PLEKHM3: variants seen among roughly 807,000 people sequenced by gnomAD.
PLEKHM3 encodes the protein pleckstrin homology domain-containing family M member 3.
PLEKHM3 carries 45 observed loss-of-function variants against 81.8 expected under a neutral mutation model. The observed-to-expected ratio is 0.55, with a 90% CI of 0.43 to 0.71. The LOEUF (loss-of-function observed/expected upper bound fraction) is 0.71. Among genes scored for constraint, PLEKHM3 ranks in the 30% least tolerant of loss-of-function variants. The pLI, the probability that PLEKHM3 is intolerant of heterozygous loss-of-function variation, is 0.00. For missense variants in PLEKHM3, 788 were observed against 924.3 expected, an observed-to-expected ratio of 0.85 and a Z score of 1.91; for synonymous variants, 352 against 356.4, an observed-to-expected ratio of 0.99 and a Z score of 0.14.
At chr2:207,895,265 G>A (rs1688185106) in intron 6 of PLEKHM3, among the ~76,000 whole-genome samples, 1 of 152,148 alleles carries the variant, frequency 6.6e-6, no homozygotes, top group South Asian at 2.1e-4. Context: ...CAGTGAGACT[G>A]CACCATACCA....
intron 6 of PLEKHM3, among the ~76,000 whole-genome samples, chr2:207,885,917 A>G (rs1410386277): frequency 6.6e-6 from 1 of 152,234 alleles, no homozygotes; most frequent in African/African-American, 2.4e-5. Context: ...GCATGAGTCC[A>G]TACACCGTTC....
chr2:207,832,830 G>A (rs1157705290), intron 7 of PLEKHM3, among the ~76,000 whole-genome samples: 1 of 149,346 alleles, frequency 6.7e-6, no homozygotes, highest in Non-Finnish European at 1.5e-5. Flanking sequence ...AGATTCATTG[G>A]GCTGGGTGCG....
At chr2:208,018,983 AC>A (rs1314174186) in intron 1 of PLEKHM3, among the ~76,000 whole-genome samples, 2 of 151,304 alleles carry the variant, frequency 1.3e-5, no homozygotes, top group Non-Finnish European at 2.9e-5. Flanking sequence ...ACTGCATCTC[AC>A]AAAAAAAAAA....
At chr2:207,880,638 C>T (rs1426676053) in intron 6 of PLEKHM3, among the ~76,000 whole-genome samples, 1 of 148,066 alleles carries the variant, frequency 6.8e-6, no homozygotes, top group African/African-American at 2.5e-5. Flanking sequence ...TGGCGGGCGC[C>T]TGTAGTCCCA....
At chr2:207,999,777 A>G (rs1692235961) in intron 2 of PLEKHM3, among the ~76,000 whole-genome samples, 1 of 152,232 alleles carries the variant, frequency 6.6e-6, no homozygotes, top group African/African-American at 2.4e-5. Context: ...TTTCAGGAAC[A>G]CTGCATTTGC....
intron 7 of PLEKHM3, among the ~76,000 whole-genome samples, chr2:207,831,171 C>CAGCT (rs1377234514): frequency 2.0e-5 from 3 of 152,236 alleles, no homozygotes; most frequent in African/African-American, 7.2e-5. Context: ...GCCTTCTGTG[C>CAGCT]AGCTGCATTG....
At chr2:207,986,144 A>G (rs546868600) in intron 2 of PLEKHM3, among the ~76,000 whole-genome samples, 2 of 152,356 alleles carry the variant, frequency 1.3e-5, no homozygotes, top group South Asian at 2.1e-4. Flanking sequence ...AATGAAAGAC[A>G]AAGTGCAACA....
chr2:207,969,400 A>G (rs1222650489), intron 3 of PLEKHM3, among the ~76,000 whole-genome samples: 1 of 152,256 alleles, frequency 6.6e-6, no homozygotes, highest in African/African-American at 2.4e-5. Context: ...TTAATGAGTA[A>G]TTAACCACCC....
intron 4 of PLEKHM3, among the ~76,000 whole-genome samples, chr2:207,940,718 G>C (rs968543745): frequency 1.3e-5 from 2 of 152,182 alleles, no homozygotes; most frequent in African/African-American, 2.4e-5. Flanking sequence ...ACGAAGGAGA[G>C]AGCCAGCAAT....
chr2:208,019,923 G>A (rs1240245460), intron 1 of PLEKHM3, among the ~76,000 whole-genome samples: 1 of 152,238 alleles, frequency 6.6e-6, no homozygotes, highest in African/African-American at 2.4e-5. Context: ...GAACGTGGAA[G>A]AGAAGTTGTT....
intron 6 of PLEKHM3, among the ~76,000 whole-genome samples, chr2:207,904,720 G>A (rs1034088625): frequency 1.3e-5 from 2 of 152,234 alleles, no homozygotes; most frequent in Non-Finnish European, 2.9e-5. Flanking sequence ...TGCATGCAAA[G>A]AGGACAGTAA....
At chr2:207,888,584 C>T (rs1013496270) in intron 6 of PLEKHM3, among the ~76,000 whole-genome samples, 3 of 152,054 alleles carry the variant, frequency 2.0e-5, no homozygotes, top group Admixed American at 1.3e-4. Context: ...TTAGTAGAGA[C>T]GGGGTTTCAC....
In PLEKHM3 at chr2:207,931,115, G is replaced by A; in HGVS notation, c.1697C>T (p.Ser566Leu). Reference sequence around the variant, plus strand: ...CTCCAGAAACTCCTTGGCCTGCTTCGACACCTACAAAACAAGCGTCGTCAG... The same window carrying A: ...CTCCAGAAACTCCTTGGCCTGCTTCAACACCTACAAAACAAGCGTCGTCAG... ...HNWDTSKYKV[S>L]KQAKEFLEYV... The change falls in exon 5 of 8, where the codon TCG becomes TTG. Residue 566 changes from serine (S) to leucine (L), a missense_variant. Transcript: ENST00000427836. The A allele has an allele frequency of 6.2e-7, 1 of 1,608,686 alleles. No homozygotes were observed. Among genetic ancestry groups the A allele is most frequent in the Non-Finnish European group, 8.5e-7 (1 of 1,176,516 alleles).
At position 207,976,582 on chromosome 2, in the gene PLEKHM3, A is replaced by C; in HGVS notation, c.1546+69T>G. ...GACTAGCCTATTAAGGGGATTTTTA[A>C]AGTGAATTCCAATTGTGGGGTTCAG... On this transcript the variant is annotated intron_variant, in intron 3 of 7. Transcript: ENST00000427836. The surrounding 1 kb of genome is among the most constrained non-coding windows in gnomAD (Gnocchi z 4.1). 6.9e-7 allele frequency: 1 copy of C among 1,452,132 alleles called. No homozygotes were observed. The highest frequency in any genetic ancestry group is 9.3e-7 in the Non-Finnish European group (1 of 1,074,918). The allele number at this position is 1,452,132 out of a possible 1,614,324, so 90.0% of individuals were successfully genotyped here.
At chr2:207,960,955 T>G (rs971511046) in intron 3 of PLEKHM3, among the ~76,000 whole-genome samples, 4 of 152,218 alleles carry the variant, frequency 2.6e-5, no homozygotes, top group African/African-American at 9.6e-5. Flanking sequence ...AATTAGGATA[T>G]GTCACTTTTG....
rs530411573 is a variant in PLEKHM3 at position 207,986,442 on chromosome 2, G to A, written c.611-8856C>T. On this transcript the variant is annotated intron_variant, in intron 2 of 7. Transcript: ENST00000427836. ...CAGGCTATCCAGGCTATAGTAAGCT[G>A]AAAGGATAAATGATATTATCTGGAA... Among the ~76,000 whole-genome samples the A allele has an allele frequency of 2.0e-3, 309 of 152,232 alleles. 1 individual carries two copies. The highest frequency in any genetic ancestry group is 3.9e-3 in the Non-Finnish European group (268 of 68,020).
intron 3 of PLEKHM3, among the ~76,000 whole-genome samples, chr2:207,972,061 T>G (rs1187302347): frequency 6.6e-6 from 1 of 152,246 alleles, no homozygotes; most frequent in Non-Finnish European, 1.5e-5. Context: ...CTGATGTGAT[T>G]ATTTGATTCA....
At chr2:207,912,238 T>C (rs1224849052) in intron 5 of PLEKHM3, among the ~76,000 whole-genome samples, 3 of 152,248 alleles carry the variant, frequency 2.0e-5, no homozygotes, top group Non-Finnish European at 4.4e-5. Context: ...TCATCTCTAA[T>C]ATTCCTTCAA....
chr2:207,860,495 G>C (rs1467238132), intron 7 of PLEKHM3, among the ~76,000 whole-genome samples: 1 of 150,820 alleles, frequency 6.6e-6, no homozygotes, highest in African/African-American at 2.4e-5. Flanking sequence ...TACGCTTTTG[G>C]GATGAAAGGA....
Sources: gnomAD v4.1 joint callset for allele counts (sites outside exome capture counted in the v4.1 genomes callset) on GRCh38, gnomAD v4.1.1 for gene constraint, Gnocchi (gnomAD v3.1) non-coding constraint, MANE v1.5 for transcripts, NCBI Gene and HGNC (gene_info 2026-07-23, HGNC 2026-07-21) for gene names.